Variants in GLT1D1 observed in about 807,000 individuals in gnomAD.
The protein encoded by GLT1D1 is glycosyltransferase 1 domain containing 1.
GLT1D1 carries 21 observed loss-of-function variants against 28.7 expected under a neutral mutation model. That is an observed-to-expected ratio of 0.73 (90% CI 0.52 to 1.05). The LOEUF (loss-of-function observed/expected upper bound fraction) is 1.05, where lower values mean the gene tolerates loss of function less well. Among genes scored for constraint, GLT1D1 ranks in the 50% least tolerant of loss-of-function variants. The probability of loss-of-function intolerance (pLI) is 0.00; values close to 1 mark genes in which losing one functional copy is unlikely to be tolerated. For synonymous variants in GLT1D1, 147 were observed against 124.8 expected, an observed-to-expected ratio of 1.18 and a Z score of -1.19; for missense variants, 343 against 330.6, an observed-to-expected ratio of 1.04 and a Z score of -0.29.
chr12:128,941,043 C>T (rs1225599920), intron 4 of GLT1D1, among the ~76,000 whole-genome samples: 1 of 152,196 alleles, frequency 6.6e-6, no homozygotes, highest in African/African-American at 2.4e-5. Context: ...CTGTGATTTG[C>T]CTGCTTTGGC....
intron 4 of GLT1D1, chr12:128,907,044 A>G (rs957246285): frequency 1.2e-5 from 8 of 690,566 alleles, no homozygotes; most frequent in South Asian, 9.1e-5. Flanking sequence ...CAGTAGAAGC[A>G]TGCTGTCTTT....
At chr12:128,884,657 A>G (rs911823838) in intron 2 of GLT1D1, among the ~76,000 whole-genome samples, 6 of 152,002 alleles carry the variant, frequency 3.9e-5, no homozygotes, top group African/African-American at 1.4e-4. Context: ...TCTGTTAAAA[A>G]TATAAAAATT....
At chr12:128,953,588 C>T (rs1443138958) in intron 6 of GLT1D1, among the ~76,000 whole-genome samples, 1 of 152,166 alleles carries the variant, frequency 6.6e-6, no homozygotes, top group Non-Finnish European at 1.5e-5. Flanking sequence ...AAAGACTTAA[C>T]TTGTGTATTT....
chr12:128,860,495 G>A (rs1012734735), intron 1 of GLT1D1, among the ~76,000 whole-genome samples: 2 of 152,196 alleles, frequency 1.3e-5, no homozygotes, highest in Non-Finnish European at 2.9e-5. Flanking sequence ...AAGATATGTG[G>A]TTCACTGGGA....
intron 5 of GLT1D1, among the ~76,000 whole-genome samples, chr12:128,946,127 A>C (rs1186435638): frequency 2.6e-5 from 4 of 152,184 alleles, no homozygotes. Flanking sequence ...GCGTGTGTGC[A>C]AAAGTATCAC....
chr12:128,979,805 C>T (rs1372418251), intron 7 of GLT1D1, among the ~76,000 whole-genome samples: 5 of 152,104 alleles, frequency 3.3e-5, no homozygotes, highest in African/African-American at 9.7e-5. Context: ...CGGAGCATCC[C>T]GGCTTAGCCC....
At chr12:128,947,973 C>A (rs1876300706) in intron 6 of GLT1D1, among the ~76,000 whole-genome samples, 1 of 152,138 alleles carries the variant, frequency 6.6e-6, no homozygotes, top group Non-Finnish European at 1.5e-5. Context: ...CTTCATCTAG[C>A]AGTCAGCTCT....
intron 6 of GLT1D1, among the ~76,000 whole-genome samples, chr12:128,957,092 A>G (rs778987085): frequency 1.6e-4 from 24 of 152,232 alleles, no homozygotes; most frequent in Non-Finnish European, 2.8e-4. Flanking sequence ...AGAATGATAA[A>G]TCATTTTCCT....
intron 4 of GLT1D1, among the ~76,000 whole-genome samples, chr12:128,917,832 G>A (rs568776031): frequency 6.6e-6 from 1 of 152,184 alleles, no homozygotes; most frequent in Non-Finnish European, 1.5e-5. Flanking sequence ...ACAGATGCTG[G>A]CGAGCTTGTG....
chr12:128,954,288 A>AGTT (rs1877047490), intron 6 of GLT1D1, among the ~76,000 whole-genome samples: 2 of 139,008 alleles, frequency 1.4e-5, no homozygotes, highest in African/African-American at 5.3e-5. Flanking sequence ...CACCCGGCTA[A>AGTT]TTTTTTTTTT....
At chr12:128,975,458 T>C (rs141286379) in intron 7 of GLT1D1, among the ~76,000 whole-genome samples, 16 of 150,966 alleles carry the variant, frequency 1.1e-4, no homozygotes, top group Admixed American at 3.3e-4. Flanking sequence ...TGTTTTTTAT[T>C]TTTTTCTTTT....
chr12:128,908,295 T>G (rs1411810889), intron 4 of GLT1D1, among the ~76,000 whole-genome samples: 1 of 151,910 alleles, frequency 6.6e-6, no homozygotes, highest in Non-Finnish European at 1.5e-5. Context: ...TTCTTTCTCA[T>G]CTCACCCACG....
chr12:128,875,551 C>A (rs539066623), intron 1 of GLT1D1, among the ~76,000 whole-genome samples: 29 of 152,338 alleles, frequency 1.9e-4, no homozygotes, highest in African/African-American at 6.7e-4. Context: ...AATCCCAGCA[C>A]TTTGGGAGGC....
At chr12:128,896,607 G>T in intron 3 of GLT1D1, among the ~76,000 whole-genome samples, 1 of 129,070 alleles carries the variant, frequency 7.7e-6, no homozygotes, top group South Asian at 2.5e-4. Context: ...TTGAGACAGA[G>T]TCTTGCTCTG....
At chr12:128,872,754 T>C (rs1365457669) in intron 1 of GLT1D1, among the ~76,000 whole-genome samples, 1 of 152,042 alleles carries the variant, frequency 6.6e-6, no homozygotes, top group Non-Finnish European at 1.5e-5. Context: ...ACACGCACGC[T>C]CACACTCACA....
chr12:128,876,846 G>A (rs1000261830), intron 2 of GLT1D1, among the ~76,000 whole-genome samples: 1 of 152,096 alleles, frequency 6.6e-6, no homozygotes, highest in Non-Finnish European at 1.5e-5. Flanking sequence ...ATCCAACAAG[G>A]CAATGGGCCC....
chr12:128,955,767 G>A (rs538627353), intron 6 of GLT1D1, among the ~76,000 whole-genome samples: 1 of 151,956 alleles, frequency 6.6e-6, no homozygotes, highest in East Asian at 2.0e-4. Context: ...ACGTCAAACG[G>A]GAGACACATC....
chr12:128,973,179 G>GTTTTTTTTTTTTTTT (rs61169176), intron 7 of GLT1D1, among the ~76,000 whole-genome samples: 2 of 50,986 alleles, frequency 3.9e-5, no homozygotes, highest in Non-Finnish European at 8.0e-5. Context: ...TGTTTGCTTG[G>GTTTTTTTTTTTTTTT]TTTTTTTTTT....
At chr12:128,959,341 C>T (rs532754748) in intron 7 of GLT1D1, among the ~76,000 whole-genome samples, 2 of 149,058 alleles carry the variant, frequency 1.3e-5, no homozygotes, top group African/African-American at 5.0e-5. Flanking sequence ...ATGCTTTTCA[C>T]TGCCTGCTTC....
Sources: gnomAD v4.1 joint callset for allele counts (sites outside exome capture counted in the v4.1 genomes callset) on GRCh38, gnomAD v4.1.1 for gene constraint, MANE v1.5 for transcripts, NCBI Gene and HGNC (gene_info 2026-07-23, HGNC 2026-07-21) for gene names.